Variants in TMEM132D observed in about 807,000 individuals in gnomAD.
The protein encoded by TMEM132D is transmembrane protein 132D, also known as mature OL transmembrane protein.
Under a neutral mutation model 62.3 loss-of-function variants are expected in TMEM132D, and 21 were observed. That is an observed-to-expected ratio of 0.34 (90% CI 0.24 to 0.49). The LOEUF (loss-of-function observed/expected upper bound fraction) is 0.49, where lower values mean the gene tolerates loss of function less well. Among genes scored for constraint, TMEM132D ranks in the 20% least tolerant of loss-of-function variants. The probability of loss-of-function intolerance (pLI) is 0.99; values close to 1 mark genes in which losing one functional copy is unlikely to be tolerated. For missense variants in TMEM132D, 1,346 were observed against 1,402.8 expected (o/e 0.96, Z 0.65); for synonymous variants, 621 against 575.6 (o/e 1.08, Z -1.13).
intron 4 of TMEM132D, among the ~76,000 whole-genome samples, chr12:129,307,177 A>C (rs936301017): frequency 6.6e-6 from 1 of 152,018 alleles, no homozygotes; most frequent in African/African-American, 2.4e-5. Flanking sequence ...AAATGGGTGC[A>C]TATGTTAATG....
At chr12:129,304,513 G>A (rs141091751) in intron 4 of TMEM132D, among the ~76,000 whole-genome samples, 43 of 152,152 alleles carry the variant, frequency 2.8e-4, no homozygotes, top group Non-Finnish European at 5.7e-4. Flanking sequence ...CCACATCATG[G>A]CCTGAACAAT....
chr12:129,580,730 AAAAT>A (rs10623142), intron 2 of TMEM132D, among the ~76,000 whole-genome samples: 40 of 124,448 alleles, frequency 3.2e-4, no homozygotes, highest in East Asian at 1.8e-3. Context: ...TAAGTAAATA[AAAAT>A]AAATAAATAA....
At chr12:129,400,577 T>A (rs1871592830) in intron 3 of TMEM132D, among the ~76,000 whole-genome samples, 1 of 152,128 alleles carries the variant, frequency 6.6e-6, no homozygotes, top group Non-Finnish European at 1.5e-5. Context: ...TCCATCCTCT[T>A]CACATGGAGA....
At chr12:129,203,591 C>A (rs1878766406) in intron 5 of TMEM132D, among the ~76,000 whole-genome samples, 1 of 152,218 alleles carries the variant, frequency 6.6e-6, no homozygotes, top group Non-Finnish European at 1.5e-5. Context: ...AATGGTCCTA[C>A]TTCTGCCTAA....
At chr12:129,739,406 A>G (rs1869530134) in intron 1 of TMEM132D, among the ~76,000 whole-genome samples, 1 of 152,182 alleles carries the variant, frequency 6.6e-6, no homozygotes, top group Non-Finnish European at 1.5e-5. Flanking sequence ...AGGAGACGTC[A>G]ACTCTTGCCT....
chr12:129,322,092 T>G, intron 4 of TMEM132D, among the ~76,000 whole-genome samples: 1 of 151,950 alleles, frequency 6.6e-6, no homozygotes, highest in East Asian at 1.9e-4. Context: ...AATTTTCTCA[T>G]CTGCAAAATA....
chr12:129,481,176 AAAAAAAAAG>A (rs975023256), intron 3 of TMEM132D, among the ~76,000 whole-genome samples: 2 of 151,332 alleles, frequency 1.3e-5, no homozygotes, highest in East Asian at 1.9e-4. Context: ...TTTAACATAC[AAAAAAAAAG>A]AAAAAAAAGA....
At chr12:129,505,044 T>G (rs1202880818) in intron 3 of TMEM132D, among the ~76,000 whole-genome samples, 1 of 152,222 alleles carries the variant, frequency 6.6e-6, no homozygotes, top group African/African-American at 2.4e-5. Flanking sequence ...TTGGAGTTGA[T>G]TTCCAGTTTT....
intron 3 of TMEM132D, among the ~76,000 whole-genome samples, chr12:129,506,967 G>A (rs1593042457): frequency 1.3e-5 from 2 of 151,996 alleles, no homozygotes; most frequent in Admixed American, 1.3e-4. Context: ...TCTGATAAAG[G>A]ACTAATATCC....
At chr12:129,341,038 A>G (rs1170292553) in intron 3 of TMEM132D, among the ~76,000 whole-genome samples, 1 of 152,218 alleles carries the variant, frequency 6.6e-6, no homozygotes, top group Non-Finnish European at 1.5e-5. Context: ...GGAATATCTC[A>G]TCACATGTAT....
chr12:129,453,438 T>G (rs10773662), intron 3 of TMEM132D, among the ~76,000 whole-genome samples: 149,142 of 152,272 alleles, frequency 0.98, 73,117 homozygotes, highest in East Asian at 1. Context: ...AACTGGAGAG[T>G]TCCTTTTCTA....
intron 3 of TMEM132D, among the ~76,000 whole-genome samples, chr12:129,441,083 G>A (rs537172333): frequency 3.9e-5 from 6 of 152,264 alleles, no homozygotes; most frequent in Non-Finnish European, 8.8e-5. Context: ...TCAATAGAGG[G>A]AATTTAATCC....
intron 3 of TMEM132D, among the ~76,000 whole-genome samples, chr12:129,487,862 G>A (rs1025925023): frequency 7.4e-5 from 11 of 148,738 alleles, no homozygotes; most frequent in African/African-American, 1.2e-4. Context: ...GCGTGAACCC[G>A]GGAGGTGGAG....
intron 1 of TMEM132D, among the ~76,000 whole-genome samples, chr12:129,798,279 A>G (rs1488636669): frequency 1.3e-5 from 2 of 152,192 alleles, no homozygotes; most frequent in Non-Finnish European, 2.9e-5. Context: ...GCCTAACACA[A>G]TCCTTTAAAG....
At chr12:129,274,273 T>A (rs1249392783) in intron 4 of TMEM132D, among the ~76,000 whole-genome samples, 1 of 149,340 alleles carries the variant, frequency 6.7e-6, no homozygotes, top group Non-Finnish European at 1.5e-5. Context: ...TGCTCTGATG[T>A]ATGGAGCCCC....
intron 5 of TMEM132D, among the ~76,000 whole-genome samples, chr12:129,208,074 A>C (rs1012891690): frequency 1.3e-5 from 2 of 152,196 alleles, no homozygotes; most frequent in Non-Finnish European, 2.9e-5. Context: ...TGACATGGTC[A>C]TATCGCCCGT....
rs1206137501 is a variant in TMEM132D at position 129,531,032 on chromosome 12, A to C, written c.1115+27T>G. 3 of 1,588,462 alleles carry C rather than the reference A, an allele frequency of 1.9e-6. No homozygotes were observed. In the South Asian group the frequency reaches 3.4e-5, roughly 18 times the overall value. On this transcript the variant is annotated intron_variant, in intron 3 of 8. Transcript: ENST00000422113. ...CAGGCCACATTTGCAGCTGATCTGAATATATCGGAGGCCAGTTGGGACTCA... is the reference window on the plus strand; with the variant it reads ...CAGGCCACATTTGCAGCTGATCTGACTATATCGGAGGCCAGTTGGGACTCA...
intron 3 of TMEM132D, among the ~76,000 whole-genome samples, chr12:129,453,968 G>A (rs941472899): frequency 6.6e-6 from 1 of 152,170 alleles, no homozygotes; most frequent in African/African-American, 2.4e-5. Flanking sequence ...AGAGAAGGAT[G>A]GTTTTCCAAA....
At position 129,533,031 on chromosome 12, in the gene TMEM132D, C is replaced by A. The variant is rs143814919; in HGVS notation, c.969-1826G>T. On this transcript the variant is annotated intron_variant, in intron 2 of 8. Transcript: ENST00000422113. ...GAGTTCTCCTAGTGACTCGCTGGAC[C>A]TGGGGGTGGTCTTAGGAACCCCCAG... Among the ~76,000 whole-genome samples the A allele has an allele frequency of 7.9e-5, 12 of 152,206 alleles. 1 individual carries two copies. The highest frequency in any genetic ancestry group is 2.9e-4 in the African/African-American group (12 of 41,504).
Sources: allele counts gnomAD v4.1 joint callset (sites outside exome capture counted in the v4.1 genomes callset), GRCh38; gene constraint gnomAD v4.1.1; transcripts MANE v1.5; gene names NCBI Gene and HGNC (gene_info 2026-07-23, HGNC 2026-07-21).